Variants in CFAP20DC observed in about 807,000 individuals in gnomAD.
CFAP20DC encodes protein CFAP20DC.
CFAP20DC carries 84 observed loss-of-function variants against 101.7 expected under a neutral mutation model. That is an observed-to-expected ratio of 0.83 (90% CI 0.69 to 0.99). The LOEUF is 0.99. CFAP20DC is among the 50% of genes least tolerant of loss of function. The probability of loss-of-function intolerance (pLI) is 0.00; values close to 1 mark genes in which losing one functional copy is unlikely to be tolerated. For synonymous variants in CFAP20DC, 359 were observed against 351.2 expected, an observed-to-expected ratio of 1.02 and a Z score of -0.25; for missense variants, 1,007 against 970.3, an observed-to-expected ratio of 1.04 and a Z score of -0.50.
chr3:58,974,593 T>C (rs949242770), intron 4 of CFAP20DC, among the ~76,000 whole-genome samples: 1 of 152,160 alleles, frequency 6.6e-6, no homozygotes, highest in Admixed American at 6.5e-5. Flanking sequence ...TAGGGAATCC[T>C]GGAATGGCCA....
chr3:59,016,152 A>G (rs1165983421), intron 4 of CFAP20DC, among the ~76,000 whole-genome samples: 2 of 152,174 alleles, frequency 1.3e-5, no homozygotes, highest in Non-Finnish European at 2.9e-5. Flanking sequence ...ATGAATGAAT[A>G]AAGAAAATGT....
intron 6 of CFAP20DC, among the ~76,000 whole-genome samples, chr3:58,890,756 C>T (rs1311829401): frequency 1.3e-5 from 2 of 149,754 alleles, no homozygotes; most frequent in Admixed American, 6.6e-5. Flanking sequence ...GGGGTTGCGG[C>T]CGGGCAGAGG....
intron 4 of CFAP20DC, among the ~76,000 whole-genome samples, chr3:58,950,266 C>T (rs879606317): frequency 6.6e-6 from 1 of 152,128 alleles, no homozygotes; most frequent in Non-Finnish European, 1.5e-5. Context: ...AAAGAGGATA[C>T]AAACAAATGG....
In CFAP20DC at chr3:58,912,519, G is replaced by A. The variant is rs900836418; in HGVS notation, c.550+1189C>T. On this transcript the variant is annotated intron_variant, in intron 6 of 16. Coordinates refer to ENST00000482387, the MANE Select transcript of CFAP20DC (RefSeq NM_001394063.1). This position sits in a 1 kb window ranked among gnomAD's most constrained non-coding sequence, Gnocchi z 4.4. ...TCAAGATTTCTCAGGCACACACCCA[G>A]ATGGAGCACAAATCTGAAGTCTAGA... 3.0e-6 allele frequency: 1 copy of A among 330,326 alleles called. No individual in the cohort carries two copies. Among genetic ancestry groups the A allele is most frequent in the Non-Finnish European group, 5.9e-6 (1 of 168,696 alleles). The allele number at this position is 330,326 out of a possible 1,614,324, so 20.5% of individuals were successfully genotyped here. A position where few individuals can be genotyped will look rare whatever the true frequency, so the allele number is the denominator to read the frequency against.
At position 58,729,722 on chromosome 3, in the gene CFAP20DC, T is replaced by G. The variant is rs891673539; in HGVS notation, c.198-12094A>C. Reference sequence around the variant, plus strand: ...TGGTCTATACCAAATTAGTCTGCTATTATTGAAAGTTGAGGCTGGGATCGG... The same window carrying G: ...TGGTCTATACCAAATTAGTCTGCTAGTATTGAAAGTTGAGGCTGGGATCGG... On this transcript the variant is annotated intron_variant, in intron 3 of 3. Transcript: ENST00000486145. This position sits in a 1 kb window ranked among gnomAD's most constrained non-coding sequence, Gnocchi z 4.4. Among the ~76,000 whole-genome samples, 3 of 152,084 alleles carry G rather than the reference T, an allele frequency of 2.0e-5. No individual in the cohort carries two copies. The highest frequency in any genetic ancestry group is 4.4e-5 in the Non-Finnish European group (3 of 67,990).
Position 59,015,726 on chromosome 3 carries a change from C to A in CFAP20DC, c.278+23831G>T, listed in dbSNP as rs1043890416. Among the ~76,000 whole-genome samples the A allele has an allele frequency of 2.0e-5, 3 of 152,096 alleles. No individual in the cohort carries two copies. Among genetic ancestry groups the A allele is most frequent in the Non-Finnish European group, 4.4e-5 (3 of 67,992 alleles). On this transcript the variant is annotated intron_variant, in intron 4 of 16. Coordinates refer to ENST00000482387, the MANE Select transcript of CFAP20DC (RefSeq NM_001394063.1). The surrounding 1 kb of genome is among the most constrained non-coding windows in gnomAD (Gnocchi z 5.4). Reference sequence around the variant, plus strand: ...TCTTAGAACGAGGCCTCACAGACATCCAGACTTCTTTCCATAAGATGGCAA... The same window carrying A: ...TCTTAGAACGAGGCCTCACAGACATACAGACTTCTTTCCATAAGATGGCAA...
intron 15 of CFAP20DC, among the ~76,000 whole-genome samples, chr3:58,754,722 A>G (rs1446934708): frequency 2.0e-5 from 3 of 152,192 alleles, no homozygotes; most frequent in African/African-American, 7.2e-5. Flanking sequence ...GTATTAATCT[A>G]CAATGGGAGA....
chr3:58,797,135 T>C (rs1052409315), intron 15 of CFAP20DC, among the ~76,000 whole-genome samples: 1 of 152,168 alleles, frequency 6.6e-6, no homozygotes, highest in African/African-American at 2.4e-5. Context: ...AAGAGTCACG[T>C]GTCTCTCACT....
chr3:58,773,725 T>C, intron 15 of CFAP20DC, among the ~76,000 whole-genome samples: 1 of 152,218 alleles, frequency 6.6e-6, no homozygotes, highest in East Asian at 1.9e-4. Flanking sequence ...GTGCTAACTT[T>C]TTAATTTAAT....
chr3:58,870,751 G>C (rs1380760392), intron 7 of CFAP20DC, among the ~76,000 whole-genome samples: 4 of 148,410 alleles, frequency 2.7e-5, no homozygotes, highest in Non-Finnish European at 6.0e-5. Flanking sequence ...AGCCAGGCGC[G>C]GTGGCGGGCG....
At chr3:58,810,667 C>G (rs2074538968) in intron 14 of CFAP20DC, among the ~76,000 whole-genome samples, 1 of 148,324 alleles carries the variant, frequency 6.7e-6, no homozygotes, top group African/African-American at 2.6e-5. Flanking sequence ...CCTCTCTCAC[C>G]ACTCCTATTC....
chr3:58,929,374 C>A (rs2086332936), intron 5 of CFAP20DC, among the ~76,000 whole-genome samples: 1 of 152,180 alleles, frequency 6.6e-6, no homozygotes, highest in South Asian at 2.1e-4. Flanking sequence ...TTATTAACTA[C>A]ACACTGAATA....
chr3:58,733,998 C>T (rs140432600), intron 3 of CFAP20DC, among the ~76,000 whole-genome samples: 1 of 152,210 alleles, frequency 6.6e-6, no homozygotes, highest in African/African-American at 2.4e-5. Context: ...ACTGTAAGCC[C>T]GTGTTGGGGG....
At chr3:58,770,435 A>AT (rs2070735055) in intron 15 of CFAP20DC, among the ~76,000 whole-genome samples, 8 of 152,344 alleles carry the variant, frequency 5.3e-5, no homozygotes, top group African/African-American at 1.4e-4. Flanking sequence ...AATATTTATA[A>AT]GAGAGTGAAG....
chr3:58,992,126 C>T (rs2092959216), intron 4 of CFAP20DC, among the ~76,000 whole-genome samples: 1 of 152,156 alleles, frequency 6.6e-6, no homozygotes, highest in South Asian at 2.1e-4. Flanking sequence ...GGTTAAATGA[C>T]ATGCCTAGGG....
chr3:58,805,324 A>G (rs1471751196), intron 15 of CFAP20DC, among the ~76,000 whole-genome samples: 2 of 152,184 alleles, frequency 1.3e-5, no homozygotes, highest in Non-Finnish European at 2.9e-5. Flanking sequence ...TGGAGTGAAG[A>G]GACTGCCTGG....
At chr3:58,983,650 C>A (rs565724228) in intron 4 of CFAP20DC, among the ~76,000 whole-genome samples, 22 of 152,180 alleles carry the variant, frequency 1.4e-4, no homozygotes, top group African/African-American at 5.3e-4. Flanking sequence ...CACCATAACA[C>A]ACCAAAATAG....
At chr3:58,915,167 T>A (rs768453627) in intron 5 of CFAP20DC, among the ~76,000 whole-genome samples, 7 of 152,050 alleles carry the variant, frequency 4.6e-5, no homozygotes, top group African/African-American at 7.2e-5. Flanking sequence ...GGCGGGGGAA[T>A]GAGGCAGAAT....
At chr3:59,046,354 C>T (rs1317921090) in intron 2 of CFAP20DC, 32 bp from the exon 3 acceptor site, 4 of 1,318,100 alleles carry the variant, frequency 3.0e-6, no homozygotes, top group Non-Finnish European at 4.1e-6. Flanking sequence ...GTAGTTATCA[C>T]AGGATATTTT....
Sources: gnomAD v4.1 joint callset for allele counts (sites outside exome capture counted in the v4.1 genomes callset) on GRCh38, gnomAD v4.1.1 for gene constraint, Gnocchi (gnomAD v3.1) non-coding constraint, MANE v1.5 for transcripts, NCBI Gene and HGNC (gene_info 2026-07-23, HGNC 2026-07-21) for gene names.